TFEC: variants seen among roughly 807,000 people sequenced by gnomAD.
The protein encoded by TFEC is transcription factor EC.
TFEC carries 31 observed loss-of-function variants against 41.6 expected under a neutral mutation model. The ratio of observed to expected loss-of-function variants is 0.74; its 90% CI spans 0.56 to 1.01. The LOEUF (loss-of-function observed/expected upper bound fraction) is 1.01, where lower values mean the gene tolerates loss of function less well. Among genes scored for constraint, TFEC ranks in the 50% least tolerant of loss-of-function variants. The probability of loss-of-function intolerance (pLI) is 0.00; values close to 1 mark genes in which losing one functional copy is unlikely to be tolerated. For missense variants in TFEC, 402 were observed against 404.1 expected, an observed-to-expected ratio of 0.99 and a Z score of 0.04; for synonymous variants, 143 against 140.6, an observed-to-expected ratio of 1.02 and a Z score of -0.12.
intron 3 of TFEC, among the ~76,000 whole-genome samples, chr7:116,098,014 C>T (rs143209520): frequency 2.2e-4 from 34 of 152,208 alleles, no homozygotes; most frequent in African/African-American, 8.2e-4. Context: ...GTTATACTAA[C>T]TGTAACTGAT....
At chr7:116,124,720 G>A (rs914550663) in intron 1 of TFEC, among the ~76,000 whole-genome samples, 5 of 151,936 alleles carry the variant, frequency 3.3e-5, no homozygotes, top group East Asian at 1.9e-4. Flanking sequence ...CTTGAGGAGA[G>A]GAAAGAAAAT....
rs527288029 is a variant in TFEC at position 116,088,611 on chromosome 7, T to C, written c.198+22097A>G. Among the ~76,000 whole-genome samples the C allele has an allele frequency of 1.0e-3, 158 of 152,256 alleles. 1 individual carries two copies. The highest frequency in any genetic ancestry group is 3.7e-3 in the African/African-American group (154 of 41,562). On this transcript the variant is annotated intron_variant, in intron 3 of 8. Coordinates refer to the TFEC transcript ENST00000484212. ...AAGGTTTTTTAAATCTTAGTCATTA[T>C]TTTTTATGATTAAAACTCATCTCTT...
intron 2 of TFEC, among the ~76,000 whole-genome samples, chr7:115,974,488 C>A (rs1793294847): frequency 8.1e-6 from 1 of 123,134 alleles, no homozygotes; most frequent in Non-Finnish European, 1.7e-5. Context: ...ATGCAGGAAT[C>A]CTGACAATCT....
intron 3 of TFEC, among the ~76,000 whole-genome samples, chr7:115,963,049 T>G (rs1584596244): frequency 6.6e-6 from 1 of 151,514 alleles, no homozygotes; most frequent in African/African-American, 2.4e-5. Context: ...CCCCACCCTG[T>G]GTCCATGTGA....
chr7:116,143,387 G>A (rs541968772), intron 1 of TFEC, among the ~76,000 whole-genome samples: 8 of 152,140 alleles, frequency 5.3e-5, no homozygotes, highest in Middle Eastern at 3.4e-3. Context: ...AATACAGAGA[G>A]GTTGTCATAA....
chr7:116,105,260 A>G (rs748999249), intron 3 of TFEC, among the ~76,000 whole-genome samples: 1 of 152,228 alleles, frequency 6.6e-6, no homozygotes, highest in Non-Finnish European at 1.5e-5. Context: ...CAAAACCACT[A>G]GTACATATGC....
intron 1 of TFEC, among the ~76,000 whole-genome samples, chr7:116,010,155 T>A (rs1293480731): frequency 1.3e-5 from 2 of 152,082 alleles, no homozygotes; most frequent in Non-Finnish European, 2.9e-5. Context: ...AATGACATGG[T>A]CCAAAGGGGC....
intron 6 of TFEC, among the ~76,000 whole-genome samples, chr7:115,949,088 T>C (rs1488601076): frequency 6.6e-6 from 1 of 152,066 alleles, no homozygotes; most frequent in African/African-American, 2.4e-5. Flanking sequence ...ATGAGTGAAC[T>C]CCCATTCATA....
chr7:116,073,525 C>G (rs1248824254), intron 3 of TFEC, among the ~76,000 whole-genome samples: 2 of 151,384 alleles, frequency 1.3e-5, no homozygotes, highest in African/African-American at 4.8e-5. Context: ...ACTACCATAG[C>G]ACGTGTATAC....
At position 116,045,393 on chromosome 7, in the gene TFEC, A is replaced by G. The variant is rs571449921; in HGVS notation, c.199-60880T>C. ...TGGCAAAAGACATTTCTAAGAAGCA[A>G]AGCTTCCTCATGCTGTGTGCAGCCT... On this transcript the variant is annotated intron_variant, in intron 3 of 8. Transcript: ENST00000484212. 1.2e-3 allele frequency among the ~76,000 whole-genome samples: 177 copies of G among 152,320 alleles called. 3 individuals carry two copies. Among genetic ancestry groups the G allele is most frequent in the Admixed American group, 1.5e-3 (23 of 15,304 alleles).
chr7:116,141,371 A>G (rs568801475), intron 1 of TFEC, among the ~76,000 whole-genome samples: 11 of 152,322 alleles, frequency 7.2e-5, no homozygotes, highest in African/African-American at 2.6e-4. Flanking sequence ...ATTTTTTAAT[A>G]ACTAAGTGAA....
At chr7:116,041,371 A>G (rs899683698) in intron 3 of TFEC, among the ~76,000 whole-genome samples, 4 of 152,210 alleles carry the variant, frequency 2.6e-5, no homozygotes, top group Non-Finnish European at 4.4e-5. Flanking sequence ...TTCTATTGAA[A>G]TATCAGCTCC....
intron 1 of TFEC, among the ~76,000 whole-genome samples, chr7:116,115,493 T>A (rs1797967525): frequency 6.6e-6 from 1 of 151,916 alleles, no homozygotes; most frequent in Non-Finnish European, 1.5e-5. Context: ...TTCCTCCATC[T>A]TTGAAGTGTG....
At chr7:115,950,282 G>A (rs1434275583) in intron 6 of TFEC, among the ~76,000 whole-genome samples, 1 of 152,058 alleles carries the variant, frequency 6.6e-6, no homozygotes, top group Non-Finnish European at 1.5e-5. Flanking sequence ...AAAGTGCTGG[G>A]ATTACAGGCG....
intron 1 of TFEC, among the ~76,000 whole-genome samples, chr7:116,001,514 CAACAAACAAAAAAAACACAAAAACA>C (rs1270051005): frequency 3.3e-5 from 5 of 150,544 alleles, no homozygotes; most frequent in South Asian, 2.1e-4. Context: ...AAAAAACAAC[CAACAAACAAAAAAAACACAAAAACA>C]AACAAACAAA....
upstream of TFEC, among the ~76,000 whole-genome samples, chr7:116,034,343 C>T (rs1057392468): frequency 5.9e-5 from 9 of 152,028 alleles, no homozygotes; most frequent in Non-Finnish European, 8.8e-5. Context: ...ATTCCATACT[C>T]ATATATCCAA....
chr7:116,111,060 T>G (rs1179708414), intron 2 of TFEC: 7 of 451,438 alleles, frequency 1.6e-5, no homozygotes, highest in Admixed American at 4.3e-5. Context: ...ACAAACTCAT[T>G]ATTTAATGGT....
At chr7:116,150,428 C>T (rs1325671093) in intron 1 of TFEC, among the ~76,000 whole-genome samples, 1 of 151,874 alleles carries the variant, frequency 6.6e-6, no homozygotes, top group Non-Finnish European at 1.5e-5. Context: ...CTGGGACACC[C>T]AATACAATAT....
chr7:116,054,735 A>G (rs933684669), intron 3 of TFEC, among the ~76,000 whole-genome samples: 1 of 152,180 alleles, frequency 6.6e-6, no homozygotes, highest in Admixed American at 6.5e-5. Context: ...GTTCATCTGA[A>G]TGTCAAATGT....
Sources: gnomAD v4.1 joint callset for allele counts (sites outside exome capture counted in the v4.1 genomes callset) on GRCh38, gnomAD v4.1.1 for gene constraint, MANE v1.5 for transcripts, NCBI Gene and HGNC (gene_info 2026-07-23, HGNC 2026-07-21) for gene names.